The following ARB2A variants were observed in gnomAD, a reference collection of about 807,000 sequenced individuals.
ARB2A encodes the protein cotranscriptional regulator ARB2A.
At chr5:93,745,991 A>T in the ARB2A span, among the ~76,000 whole-genome samples, 1 of 152,316 alleles carries the variant, frequency 6.6e-6, no homozygotes, top group East Asian at 1.9e-4. Flanking sequence ...TAAAGTCAGT[A>T]ATCCAGGAAA....
the ARB2A span, among the ~76,000 whole-genome samples, chr5:93,997,451 T>C: frequency 6.6e-6 from 1 of 152,126 alleles, no homozygotes; most frequent in East Asian, 1.9e-4. Flanking sequence ...TTCAATAAGA[T>C]ATTTCAGGAT....
the ARB2A span, among the ~76,000 whole-genome samples, chr5:94,081,397 C>T: frequency 1.3e-5 from 2 of 152,092 alleles, no homozygotes; most frequent in Non-Finnish European, 2.9e-5. Context: ...CACAAATGTT[C>T]GCAGAAGCAT....
the ARB2A span, among the ~76,000 whole-genome samples, chr5:93,916,059 C>T: frequency 2.0e-5 from 3 of 152,034 alleles, no homozygotes; most frequent in Non-Finnish European, 4.4e-5. Flanking sequence ...TGGGTGTTAT[C>T]CCTATTTTGC....
chr5:94,105,104 C>T, the ARB2A span, among the ~76,000 whole-genome samples: 2 of 152,056 alleles, frequency 1.3e-5, no homozygotes, highest in East Asian at 3.8e-4. Flanking sequence ...TGCCCACTCT[C>T]ACCACAACTA....
chr5:93,958,848 C>T, the ARB2A span: 3 of 1,607,028 alleles, frequency 1.9e-6, no homozygotes, highest in South Asian at 2.2e-5. Context: ...AGTCTTCTAG[C>T]CCACTGCCCT....
At chr5:93,650,182 G>C in the ARB2A span, among the ~76,000 whole-genome samples, 1 of 149,528 alleles carries the variant, frequency 6.7e-6, no homozygotes, top group Non-Finnish European at 1.5e-5. Flanking sequence ...GAAAACTACA[G>C]AAACAGACTT....
chr5:93,716,633 C>A, the ARB2A span, among the ~76,000 whole-genome samples: 2 of 135,344 alleles, frequency 1.5e-5, no homozygotes, highest in Non-Finnish European at 3.1e-5. Flanking sequence ...TTAACAAATT[C>A]ACATGTGGTT....
At chr5:93,674,143 A>T in the ARB2A span, among the ~76,000 whole-genome samples, 636 of 152,294 alleles carry the variant, frequency 4.2e-3, 3 homozygotes, top group African/African-American at 0.014. Flanking sequence ...ATCAAATGGA[A>T]AGCTGAAATT....
At chr5:93,619,374 C>CT in the ARB2A span, 5 of 152,164 alleles carry the variant, frequency 3.3e-5, no homozygotes, top group Non-Finnish European at 5.9e-5. Context: ...ATCATTAAGA[C>CT]TATAGAACCA....
At chr5:93,815,790 G>A in the ARB2A span, among the ~76,000 whole-genome samples, 5 of 152,084 alleles carry the variant, frequency 3.3e-5, no homozygotes, top group Non-Finnish European at 5.9e-5. Context: ...GATTTTGTTT[G>A]CTCGGTCATT....
the ARB2A span, among the ~76,000 whole-genome samples, chr5:93,777,658 A>T: frequency 1.3e-5 from 2 of 152,038 alleles, no homozygotes; most frequent in African/African-American, 4.8e-5. Flanking sequence ...GTAAACAAGC[A>T]TGTATTGTGT....
the ARB2A span, among the ~76,000 whole-genome samples, chr5:94,029,431 C>A: frequency 6.6e-6 from 1 of 152,104 alleles, no homozygotes. Context: ...GTCCTGTGTT[C>A]TAGATTTGTC....
the ARB2A span, among the ~76,000 whole-genome samples, chr5:94,100,360 C>A: frequency 6.6e-6 from 1 of 152,010 alleles, no homozygotes; most frequent in Non-Finnish European, 1.5e-5. Context: ...ATGGCTATAC[C>A]GCCCAAAGCA....
chr5:94,030,465 T>C, the ARB2A span, among the ~76,000 whole-genome samples: 2 of 152,264 alleles, frequency 1.3e-5, no homozygotes. Context: ...TTTCTGATCC[T>C]TGGGCATGGG....
chr5:93,905,205 G>T, the ARB2A span, among the ~76,000 whole-genome samples: 1 of 151,488 alleles, frequency 6.6e-6, no homozygotes, highest in African/African-American at 2.4e-5. Context: ...CCCCAACTTT[G>T]TGTGTGTGTA....
At chr5:94,105,555 C>T in the ARB2A span, among the ~76,000 whole-genome samples, 1 of 152,154 alleles carries the variant, frequency 6.6e-6, no homozygotes, top group Non-Finnish European at 1.5e-5. Context: ...GGCCATGCTG[C>T]TCAAAGTAAT....
At chr5:93,876,468 C>G in the ARB2A span, among the ~76,000 whole-genome samples, 8 of 152,060 alleles carry the variant, frequency 5.3e-5, 1 homozygote. Context: ...TCTTTGATCT[C>G]TCATGCTCTG....
the ARB2A span, among the ~76,000 whole-genome samples, chr5:94,004,624 TAAG>T: frequency 8.6e-5 from 13 of 151,662 alleles, no homozygotes; most frequent in South Asian, 1.9e-3. Context: ...AAAAACCTGT[TAAG>T]AGGAGAAAAG....
the ARB2A span, among the ~76,000 whole-genome samples, chr5:93,944,925 T>C: frequency 7.4e-4 from 112 of 152,184 alleles, no homozygotes; most frequent in East Asian, 0.015. Context: ...AACTCACCCA[T>C]AGAAGTCCAG....
Sources: allele counts gnomAD v4.1 joint callset (sites outside exome capture counted in the v4.1 genomes callset), GRCh38; gene constraint gnomAD v4.1.1; transcripts MANE v1.5; gene names NCBI Gene and HGNC (gene_info 2026-07-23, HGNC 2026-07-21).